ADRA1D: variants seen among roughly 807,000 people sequenced by gnomAD.
The protein encoded by ADRA1D is adrenoceptor alpha 1D, also known as alpha-1D adrenergic receptor.
Under a neutral mutation model 18.6 loss-of-function variants are expected in ADRA1D, and 22 were observed. That is an observed-to-expected ratio of 1.19 (90% CI 0.85 to 1.69). The LOEUF (loss-of-function observed/expected upper bound fraction) is 1.69, where lower values mean the gene tolerates loss of function less well. Among genes scored for constraint, ADRA1D ranks in the 40% most tolerant of loss-of-function variants. ADRA1D has a pLI of 0.00. For synonymous variants in ADRA1D, 376 were observed against 388.2 expected (o/e 0.97, Z 0.37); for missense variants, 840 against 840.7 (o/e 1.00, Z 0.01).
chr20:4,236,548 C>A (rs6084667), intron 1 of ADRA1D, among the ~76,000 whole-genome samples: 2 of 151,926 alleles, frequency 1.3e-5, no homozygotes, highest in African/African-American at 4.8e-5. Flanking sequence ...GGCTCGAGGG[C>A]AGAAGCAGAA....
chr20:4,221,659 C>G lies in ADRA1D; in HGVS notation c.1583G>C (p.Arg528Pro). The G allele has an allele frequency of 6.2e-7, 1 of 1,612,832 alleles. No homozygotes were observed. Reference sequence around the variant, plus strand: ...GCGCTGGGCGCACGCTGCCTCTGCGCGCTGCGCGCCCCCGGCGCGGATCTT... The same window carrying G: ...GCGCTGGGCGCACGCTGCCTCTGCGGGCTGCGCGCCCCCGGCGCGGATCTT... ...SHKIRAGGAQ[R>P]AEAACAQRSE... The change falls in exon 2 of 2, where the codon CGC (arginine) becomes CCC (proline). Residue 528 changes from arginine (R) to proline (P), a missense_variant. Transcript: ENST00000379453.
Position 4,248,262 on chromosome 20 carries a change from C to A in ADRA1D, c.696G>T (p.Leu232=). ...VVALVVSVGP[L]LGWKEPVPPD... is the part of the protein sequence containing the mutation. The stretch of plus-strand genomic sequence containing the variant: ...GGGGCACGGGCTCCTTCCAGCCCAG[C>A]AGGGGCCCTACGGACACCACCAGGG... The change falls in exon 1 of 2, where the codon CTG becomes CTT. Residue 232 remains leucine, a synonymous_variant. Transcript: ENST00000379453. 6.2e-7 allele frequency: 1 copy of A among 1,608,560 alleles called. No individual in the cohort carries two copies. Among genetic ancestry groups the A allele is most frequent in the Non-Finnish European group, 8.5e-7 (1 of 1,177,834 alleles).
At position 4,234,961 on chromosome 20, in the gene ADRA1D, G is replaced by A. The variant is rs530331564; in HGVS notation, c.1112-12831C>T. 2.6e-5 allele frequency among the ~76,000 whole-genome samples: 4 copies of A among 152,330 alleles called. No homozygotes were observed. In the East Asian group the frequency reaches 7.7e-4, roughly 29 times the overall value. On this transcript the variant is annotated intron_variant, in intron 1 of 1. Coordinates refer to ENST00000379453, the MANE Select transcript of ADRA1D (RefSeq NM_000678.4). ...GAGTGGTAAGAGATAAGGCCATTTT[G>A]AAGGGGACACAGTCATGGAAGCCTG...
intron 1 of ADRA1D, among the ~76,000 whole-genome samples, chr20:4,247,168 C>T (rs1439022639): frequency 1.3e-5 from 2 of 152,216 alleles, no homozygotes; most frequent in East Asian, 1.9e-4. Context: ...GAAAGTTCCT[C>T]GGAAGAGCTC....
chr20:4,242,094 G>A (rs35160778), intron 1 of ADRA1D, among the ~76,000 whole-genome samples: 70,841 of 152,058 alleles, frequency 0.47, 16,953 homozygotes, highest in Non-Finnish European at 0.5. Flanking sequence ...ATGGGTAACC[G>A]CTATCCTGGA....
intron 1 of ADRA1D, among the ~76,000 whole-genome samples, chr20:4,230,957 A>C (rs777907863): frequency 6.6e-6 from 1 of 151,874 alleles, no homozygotes; most frequent in Non-Finnish European, 1.5e-5. Flanking sequence ...CATCTACTCT[A>C]TGTGACTCTT....
intron 1 of ADRA1D, among the ~76,000 whole-genome samples, chr20:4,233,318 A>C (rs1373517045): frequency 6.6e-6 from 1 of 151,712 alleles, no homozygotes; most frequent in East Asian, 1.9e-4. Flanking sequence ...AAAATTAGCC[A>C]GGTGTGGTGG....
chr20:4,245,708 C>T (rs73580760), intron 1 of ADRA1D, among the ~76,000 whole-genome samples: 4,497 of 152,062 alleles, frequency 0.03, 227 homozygotes, highest in African/African-American at 0.1. Context: ...CAGTGTGAAC[C>T]GAGGGGCAGG....
In ADRA1D at chr20:4,247,897, A is replaced by G; in HGVS notation, c.1061T>C (p.Val354Ala). 3.1e-6 allele frequency: 5 copies of G among 1,594,322 alleles called. No homozygotes were observed. Among genetic ancestry groups the G allele is most frequent in the Non-Finnish European group, 8.5e-7 (1 of 1,172,804 alleles). Residue 354 changes from valine to alanine, a missense_variant, in exon 1 of 2, where the codon GTG (valine) becomes GCG (alanine). By Grantham distance (64) the Val-to-Ala change is moderately conservative (BLOSUM62 0). Transcript: ENST00000379453. ...KKAAKTLAIVVGVFVLCWFPF... is the reference protein window; with the variant it reads ...KKAAKTLAIVAGVFVLCWFPF... ...GAACCAGCAGAGCACGAAGACACCC[A>G]CGACGATGGCCAGAGTCTTGGCCGC...
chr20:4,248,286 G>A lies in ADRA1D; in HGVS notation c.672C>T (p.Ala224=). 2.5e-6 allele frequency: 4 copies of A among 1,608,538 alleles called. No homozygotes were observed. Among genetic ancestry groups the A allele is most frequent in the Non-Finnish European group, 3.4e-6 (4 of 1,177,782 alleles). ...AAILALLWVV[A]LVVSVGPLLG... Reference sequence around the variant, plus strand: ...GCAGGGGCCCTACGGACACCACCAGGGCTACGACCCAGAGCAGGGCCAGGA... The same window carrying A: ...GCAGGGGCCCTACGGACACCACCAGAGCTACGACCCAGAGCAGGGCCAGGA... Residue 224 remains alanine (A), a synonymous_variant, in exon 1 of 2, where the codon GCC becomes GCT. Coordinates refer to ENST00000379453, the MANE Select transcript of ADRA1D (RefSeq NM_000678.4).
rs901046053 is a variant in ADRA1D, at chr20:4,239,506, G to A, written c.1111+8341C>T. Among the ~76,000 whole-genome samples, 2 of 152,212 alleles carry A rather than the reference G, an allele frequency of 1.3e-5. No homozygotes were observed. Among genetic ancestry groups the A allele is most frequent in the African/African-American group, 4.8e-5 (2 of 41,460 alleles). On this transcript the variant is annotated intron_variant, in intron 1 of 1. Transcript: ENST00000379453. This position sits in a 1 kb window ranked among gnomAD's most constrained non-coding sequence, Gnocchi z 4.9. Reference sequence around the variant, plus strand: ...GTCATCTTCCATTGAAACAGACTAGGGCTCTTTAGGGAAATGGCTAATTCC... The same window carrying A: ...GTCATCTTCCATTGAAACAGACTAGAGCTCTTTAGGGAAATGGCTAATTCC...
At chr20:4,234,807 G>A (rs1301512960) in intron 1 of ADRA1D, among the ~76,000 whole-genome samples, 1 of 152,224 alleles carries the variant, frequency 6.6e-6, no homozygotes, top group Non-Finnish European at 1.5e-5. Context: ...AGCCATGCAT[G>A]TATTTGAGGA....
chr20:4,242,957 C>T (rs1162441751), intron 1 of ADRA1D, among the ~76,000 whole-genome samples: 1 of 151,998 alleles, frequency 6.6e-6, no homozygotes, highest in Non-Finnish European at 1.5e-5. Flanking sequence ...CAAACCCAAA[C>T]GCAGTGAGAT....
intron 1 of ADRA1D, among the ~76,000 whole-genome samples, chr20:4,235,001 C>T (rs1213330116): frequency 6.6e-6 from 1 of 152,112 alleles, no homozygotes; most frequent in Non-Finnish European, 1.5e-5. Context: ...GAAGAGGTGA[C>T]CTGGATATGG....
intron 1 of ADRA1D, among the ~76,000 whole-genome samples, chr20:4,224,880 G>T (rs907653142): frequency 6.6e-6 from 1 of 151,594 alleles, no homozygotes; most frequent in East Asian, 1.9e-4. Context: ...TACAGAGACA[G>T]TTTCTGGTGC....
chr20:4,221,925 C>A lies in ADRA1D; in HGVS notation c.1317G>T (p.Arg439=). ...PLWRVYGHHW[R]ASTSGLRQDC... ...CCTGGCGCAGGCCGCTGGTGGAGGC[C>A]CGCCAGTGGTGGCCGTAGACACGCC... The change falls in exon 2 of 2, where the codon CGG becomes CGT. Residue 439 remains arginine (R), a synonymous_variant. Coordinates refer to ENST00000379453, the MANE Select transcript of ADRA1D (RefSeq NM_000678.4). 1 of 1,531,744 alleles carries A rather than the reference C, an allele frequency of 6.5e-7. No individual in the cohort carries two copies. The highest frequency in any genetic ancestry group is 1.2e-5 in the South Asian group (1 of 83,616). The allele number at this position is 1,531,744 out of a possible 1,614,324, so 94.9% of individuals were successfully genotyped here.
intron 1 of ADRA1D, among the ~76,000 whole-genome samples, chr20:4,232,723 T>C (rs1220980138): frequency 6.6e-6 from 1 of 152,246 alleles, no homozygotes; most frequent in African/African-American, 2.4e-5. Context: ...AGAGGCTAGC[T>C]GTTGCCCCTT....
chr20:4,241,701 C>T (rs1215623385), intron 1 of ADRA1D, among the ~76,000 whole-genome samples: 1 of 152,208 alleles, frequency 6.6e-6, no homozygotes, highest in Non-Finnish European at 1.5e-5. Flanking sequence ...CTCTCCCCTT[C>T]ATCCACAGAC....
intron 1 of ADRA1D, among the ~76,000 whole-genome samples, chr20:4,237,033 G>C (rs112930541): frequency 1.4e-3 from 208 of 152,294 alleles, no homozygotes; most frequent in African/African-American, 4.8e-3. Flanking sequence ...CAGGCTGTCT[G>C]AGGGGCTGCT....
Sources: gnomAD v4.1 joint callset for allele counts (sites outside exome capture counted in the v4.1 genomes callset) on GRCh38, gnomAD v4.1.1 for gene constraint, Gnocchi (gnomAD v3.1) non-coding constraint, MANE v1.5 for transcripts, NCBI Gene and HGNC (gene_info 2026-07-23, HGNC 2026-07-21) for gene names.